The following CNGB3 variants were observed in gnomAD, a reference collection of about 807,000 sequenced individuals.
CNGB3 encodes cyclic nucleotide gated channel subunit beta 3, also known as cyclic nucleotide-gated channel beta-3.
CNGB3 carries 86 observed loss-of-function variants against 92.8 expected under a neutral mutation model. The observed-to-expected ratio is 0.93, with a 90% CI of 0.78 to 1.11. The LOEUF is 1.11. Among genes scored for constraint, CNGB3 ranks in the 50% least tolerant of loss-of-function variants. The pLI is 0.00. For missense variants in CNGB3, 1,026 were observed against 956.8 expected (o/e 1.07, Z -0.95); for synonymous variants, 333 against 332.7 (o/e 1.00, Z -0.01).
intron 5 of CNGB3, among the ~76,000 whole-genome samples, 160 bp from the exon 6 acceptor site, chr8:86,667,293 G>T (rs1026311295): frequency 4.6e-5 from 7 of 152,180 alleles, no homozygotes; most frequent in African/African-American, 1.7e-4. Context: ...TGGACTGTGA[G>T]GCTCCGGGCT....
At chr8:86,642,581 C>G (rs1823211375) in intron 10 of CNGB3, among the ~76,000 whole-genome samples, 1 of 151,708 alleles carries the variant, frequency 6.6e-6, no homozygotes, top group Non-Finnish European at 1.5e-5. Flanking sequence ...CATCCCAAGG[C>G]TGCAGTGAGT....
At chr8:86,658,328 C>T (rs963264963) in intron 6 of CNGB3, 12 of 478,128 alleles carry the variant, frequency 2.5e-5, no homozygotes, top group Admixed American at 5.6e-5. Flanking sequence ...TTGGCATGAG[C>T]GGAAGCGCCT....
At chr8:86,602,656 T>C (rs1822330310) in intron 15 of CNGB3, among the ~76,000 whole-genome samples, 2 of 152,194 alleles carry the variant, frequency 1.3e-5, no homozygotes, top group Admixed American at 1.3e-4. Context: ...GACAGGGTAC[T>C]CTTCTATTCA....
At chr8:86,670,004 C>T (rs1440160210) in intron 4 of CNGB3, among the ~76,000 whole-genome samples, 3 of 152,056 alleles carry the variant, frequency 2.0e-5, no homozygotes, top group Non-Finnish European at 4.4e-5. Flanking sequence ...CATGTGCCAC[C>T]ATGCCTTTCT....
At chr8:86,640,675 C>G (rs1221751557) in intron 10 of CNGB3, among the ~76,000 whole-genome samples, 1 of 151,906 alleles carries the variant, frequency 6.6e-6, no homozygotes, top group East Asian at 1.9e-4. Context: ...CAAATAAAAG[C>G]CAATTAAGAT....
chr8:86,605,413 T>G (rs1263983894), intron 14 of CNGB3, among the ~76,000 whole-genome samples: 3 of 152,116 alleles, frequency 2.0e-5, no homozygotes, highest in Non-Finnish European at 4.4e-5. Flanking sequence ...TGGCTAGTAG[T>G]ACCTACATGT....
chr8:86,679,741 G>C (rs913558837), intron 3 of CNGB3, among the ~76,000 whole-genome samples: 3 of 152,116 alleles, frequency 2.0e-5, no homozygotes, highest in Non-Finnish European at 4.4e-5. Flanking sequence ...GGCCAGGCTG[G>C]TCTTGAACTC....
intron 13 of CNGB3, among the ~76,000 whole-genome samples, chr8:86,623,327 A>ACAC (rs1822778915): frequency 6.6e-6 from 1 of 152,174 alleles, no homozygotes; most frequent in South Asian, 2.1e-4. Context: ...TATTAAAAGG[A>ACAC]CACCACAGAC....
intron 6 of CNGB3, 90 bp from the exon 7 acceptor site, chr8:86,654,152 G>T: frequency 1.1e-6 from 1 of 880,368 alleles, no homozygotes. Context: ...TCTCTTGGTT[G>T]GTTCCTTCCA....
chr8:86,718,424 T>C (rs190753664), intron 3 of CNGB3, among the ~76,000 whole-genome samples: 1 of 152,062 alleles, frequency 6.6e-6, no homozygotes, highest in East Asian at 1.9e-4. Context: ...TTAGAGAAGA[T>C]GGATAAATTC....
In CNGB3 at chr8:86,575,727, C is replaced by G. The variant is rs886731109; in HGVS notation, c.*77G>C. On this transcript the variant is annotated 3_prime_UTR_variant, in exon 18 of 18. Coordinates refer to ENST00000320005, the MANE Select transcript of CNGB3 (RefSeq NM_019098.5). ...CAAGGGTCCCAGCATGTCGTTTCCC[C>G]TCGTTAATTTAAGTTACAATCCTAG... The G allele has an allele frequency of 2.2e-6, 3 of 1,367,006 alleles. No homozygotes were observed. In the African/African-American group the frequency reaches 4.3e-5, roughly 20 times the overall value. 84.7% of individuals were successfully genotyped at this position (1,367,006 alleles called of 1,614,324 possible).
At position 86,718,900 on chromosome 8, in the gene CNGB3, A is replaced by G. The variant is rs544746386; in HGVS notation, c.338+7631T>C. Among the ~76,000 whole-genome samples the G allele has an allele frequency of 7.2e-5, 11 of 152,272 alleles. No homozygotes were observed. In the East Asian group the frequency reaches 1.9e-3, roughly 27 times the overall value. The stretch of plus-strand genomic sequence containing the variant: ...TCAATAAATGTGATACATCACATAA[A>G]CGGGATTAAAAACAAAATTACATGA... On this transcript the variant is annotated intron_variant, in intron 3 of 17. Coordinates refer to ENST00000320005, the MANE Select transcript of CNGB3 (RefSeq NM_019098.5).
intron 9 of CNGB3, 53 bp from the exon 10 acceptor site, chr8:86,643,926 C>G: frequency 6.3e-7 from 1 of 1,581,164 alleles, no homozygotes; most frequent in Non-Finnish European, 8.6e-7. Flanking sequence ...TGAAATACAG[C>G]CTATTTTAAC....
chr8:86,691,633 A>G (rs113592240), intron 3 of CNGB3, among the ~76,000 whole-genome samples: 9,526 of 152,044 alleles, frequency 0.063, 1,001 homozygotes, highest in African/African-American at 0.22. Flanking sequence ...TTCTTGGTTA[A>G]TCTTGCTAAT....
At position 86,577,978 on chromosome 8, in the gene CNGB3, C is replaced by T. The variant is rs142914367; in HGVS notation, c.2103+711G>A. On this transcript the variant is annotated intron_variant, in intron 17 of 17. Coordinates refer to ENST00000320005, the MANE Select transcript of CNGB3 (RefSeq NM_019098.5). ...AGGCTGGAGTGCAGTGTTGTGATCTCGGCTCACTACAACCTTTGCCTCCCG... is the reference window on the plus strand; with the variant it reads ...AGGCTGGAGTGCAGTGTTGTGATCTTGGCTCACTACAACCTTTGCCTCCCG... 9.9e-3 allele frequency among the ~76,000 whole-genome samples: 1,500 copies of T among 152,096 alleles called. 23 individuals carry two copies. The highest frequency in any genetic ancestry group is 0.034 in the African/African-American group (1,410 of 41,478).
At chr8:86,662,493 T>C (rs1246539332) in intron 6 of CNGB3, among the ~76,000 whole-genome samples, 2 of 152,228 alleles carry the variant, frequency 1.3e-5, no homozygotes, top group Non-Finnish European at 2.9e-5. Context: ...TTAATTCATT[T>C]GACAATCAAT....
At chr8:86,654,482 A>G (rs1585995256) in intron 6 of CNGB3, among the ~76,000 whole-genome samples, 1 of 152,168 alleles carries the variant, frequency 6.6e-6, no homozygotes, top group South Asian at 2.1e-4. Flanking sequence ...ATTTGAAATG[A>G]CACGTATACT....
intron 1 of CNGB3, among the ~76,000 whole-genome samples, chr8:86,742,766 A>T (rs576734005): frequency 1.3e-5 from 2 of 152,312 alleles, no homozygotes; most frequent in African/African-American, 4.8e-5. Flanking sequence ...AATAATAATA[A>T]TAGCCACTTG....
intron 3 of CNGB3, among the ~76,000 whole-genome samples, chr8:86,692,483 C>T (rs1231266427): frequency 6.6e-6 from 1 of 152,050 alleles, no homozygotes; most frequent in Non-Finnish European, 1.5e-5. Context: ...TATAATGTCC[C>T]TCTTTGTCTT....
Sources: gnomAD v4.1 joint callset for allele counts (sites outside exome capture counted in the v4.1 genomes callset) on GRCh38, gnomAD v4.1.1 for gene constraint, MANE v1.5 for transcripts, NCBI Gene and HGNC (gene_info 2026-07-23, HGNC 2026-07-21) for gene names.